Variants in FLT1 observed in about 807,000 individuals in gnomAD.
FLT1 encodes the protein fms related receptor tyrosine kinase 1.
A neutral mutation model predicts 156.3 loss-of-function variants in FLT1; 49 were observed. The observed-to-expected ratio is 0.31, with a 90% CI of 0.25 to 0.40. The LOEUF (loss-of-function observed/expected upper bound fraction) is 0.40. FLT1 is among the 10% of genes least tolerant of loss of function. The pLI, the probability that FLT1 is intolerant of heterozygous loss-of-function variation, is 1.00. For synonymous variants in FLT1, 594 were observed against 583.8 expected, an observed-to-expected ratio of 1.02 and a Z score of -0.25; for missense variants, 1,322 against 1,637.2, an observed-to-expected ratio of 0.81 and a Z score of 3.32.
intron 3 of FLT1, among the ~76,000 whole-genome samples, chr13:28,448,518 C>T (rs1475057130): frequency 6.6e-6 from 1 of 152,080 alleles, no homozygotes; most frequent in Non-Finnish European, 1.5e-5. Context: ...CAAAAGACTA[C>T]AAATTATGTA....
At chr13:28,304,003 G>C (rs374471281) in intron 29 of FLT1, among the ~76,000 whole-genome samples, 1 of 152,156 alleles carries the variant, frequency 6.6e-6, no homozygotes, top group African/African-American at 2.4e-5. Context: ...TCCAGACTAG[G>C]ACAGACACCT....
intron 8 of FLT1, among the ~76,000 whole-genome samples, chr13:28,429,620 C>CT (rs1877554325): frequency 6.6e-6 from 1 of 152,128 alleles, no homozygotes. Context: ...TAAAACAGGA[C>CT]TGGAACTTTC....
At chr13:28,362,822 G>C (rs1245645498) in intron 14 of FLT1, among the ~76,000 whole-genome samples, 1 of 152,118 alleles carries the variant, frequency 6.6e-6, no homozygotes, top group African/African-American at 2.4e-5. Context: ...CCTCTTTCTA[G>C]CCCAAGGAGG....
chr13:28,454,789 G>C (rs992714162), intron 3 of FLT1, among the ~76,000 whole-genome samples: 30 of 152,104 alleles, frequency 2.0e-4, no homozygotes, highest in Admixed American at 1.5e-3. Flanking sequence ...ACTAGTAAAA[G>C]ATTATAGCAA....
intron 1 of FLT1, among the ~76,000 whole-genome samples, chr13:28,481,761 C>A (rs1593844501): frequency 6.6e-6 from 1 of 152,178 alleles, no homozygotes; most frequent in South Asian, 2.1e-4. Flanking sequence ...TCTAAGTCAA[C>A]AAATAGAGAT....
chr13:28,466,481 TATTA>T (rs1204880206), intron 3 of FLT1, among the ~76,000 whole-genome samples: 1 of 152,236 alleles, frequency 6.6e-6, no homozygotes, highest in Non-Finnish European at 1.5e-5. Context: ...ACATTGCGTT[TATTA>T]ATTTAGTAGA....
chr13:28,312,214 C>G, intron 25 of FLT1, 116 bp from the exon 26 acceptor site: 3 of 733,632 alleles, frequency 4.1e-6, no homozygotes, highest in Non-Finnish European at 7.4e-6. Flanking sequence ...GCTTTCTGTA[C>G]TATGTGACCC....
At chr13:28,387,738 C>A (rs1485488349) in intron 13 of FLT1, 1 of 1,050,156 alleles carries the variant, frequency 9.5e-7, no homozygotes, top group African/African-American at 1.7e-5. Context: ...ATCTTCACCT[C>A]CCTTCATACC....
At chr13:28,357,410 C>G in intron 15 of FLT1, 144 bp downstream of exon 15, 1 of 850,512 alleles carries the variant, frequency 1.2e-6, no homozygotes, top group East Asian at 2.5e-5. Context: ...AGTCCCTTCC[C>G]GGAGTGGCAG....
rs1870555116 is a variant in FLT1 at position 28,302,506 on chromosome 13, T to A, written c.*661A>T. The A allele has an allele frequency of 4.3e-6, 1 of 233,292 alleles. No individual in the cohort carries two copies. Among genetic ancestry groups the A allele is most frequent in the Non-Finnish European group, 8.5e-6 (1 of 118,070 alleles). 14.5% of individuals were successfully genotyped at this position (233,292 alleles called of 1,614,324 possible). On this transcript the variant is annotated 3_prime_UTR_variant, in exon 30 of 30. Transcript: ENST00000282397. Reference sequence around the variant, plus strand: ...TTCTTGCCTCCCAGAATCCAGAAAATGTCCCCTCATCGCTGTCCATCTGCT... The same window carrying A: ...TTCTTGCCTCCCAGAATCCAGAAAAAGTCCCCTCATCGCTGTCCATCTGCT...
chr13:28,434,421 T>A (rs895522736), intron 4 of FLT1, among the ~76,000 whole-genome samples: 1 of 152,236 alleles, frequency 6.6e-6, no homozygotes, highest in East Asian at 1.9e-4. Flanking sequence ...CAAAAGATAT[T>A]TGCATTATGA....
chr13:28,406,594 C>G (rs1369343041), intron 10 of FLT1, among the ~76,000 whole-genome samples: 2 of 150,992 alleles, frequency 1.3e-5, no homozygotes, highest in Non-Finnish European at 2.9e-5. Flanking sequence ...ATGTCTTGGG[C>G]AGATTCTACA....
chr13:28,483,821 A>G (rs1453794191), intron 1 of FLT1, among the ~76,000 whole-genome samples: 1 of 152,194 alleles, frequency 6.6e-6, no homozygotes, highest in Admixed American at 6.5e-5. Context: ...CATAAATATG[A>G]CAGTTTTTTT....
intron 3 of FLT1, among the ~76,000 whole-genome samples, chr13:28,464,088 C>A (rs535381094): frequency 3.9e-4 from 59 of 152,130 alleles, no homozygotes; most frequent in Non-Finnish European, 6.8e-4. Context: ...CTTTTAGTAT[C>A]AGTGCTATTT....
At chr13:28,459,586 T>C (rs1388808594) in intron 3 of FLT1, among the ~76,000 whole-genome samples, 1 of 152,112 alleles carries the variant, frequency 6.6e-6, no homozygotes, top group Non-Finnish European at 1.5e-5. Flanking sequence ...CCAAGCAATA[T>C]TAGATAACGT....
intron 20 of FLT1, among the ~76,000 whole-genome samples, chr13:28,323,327 G>C (rs1871548398): frequency 6.6e-6 from 1 of 152,192 alleles, no homozygotes; most frequent in Non-Finnish European, 1.5e-5. Context: ...GTTCAGAGAA[G>C]TAAAGTAATC....
At chr13:28,483,434 T>C (rs1043116469) in intron 1 of FLT1, among the ~76,000 whole-genome samples, 1 of 152,202 alleles carries the variant, frequency 6.6e-6, no homozygotes, top group African/African-American at 2.4e-5. Context: ...CCGTATAATT[T>C]CCATCTAAAG....
In FLT1 at chr13:28,412,361, T is replaced by TTTC. The variant is rs1700793750; in HGVS notation, c.1437-6470_1437-6468dup. ...TTCTTTCTTTCTTTCTCTTTCTTTC[T>TTTC]TTCTTTCTTTCTTTCTTTCTTTCTT... On this transcript the variant is annotated intron_variant, in intron 10 of 29. Transcript: ENST00000282397. Among the ~76,000 whole-genome samples, 7 of 106,448 alleles carry TTTC rather than the reference T, an allele frequency of 6.6e-5. 1 individual carries two copies. The highest frequency in any genetic ancestry group is 1.3e-4 in the African/African-American group (4 of 30,656). 69.8% of individuals were successfully genotyped at this position (106,448 alleles called of 152,430 possible).
chr13:28,419,593 C>A (rs571110948), intron 10 of FLT1, among the ~76,000 whole-genome samples: 1 of 152,254 alleles, frequency 6.6e-6, no homozygotes, highest in East Asian at 1.9e-4. Flanking sequence ...TAAAAACCAT[C>A]CAGCGGCCGG....
Sources: allele counts gnomAD v4.1 joint callset (sites outside exome capture counted in the v4.1 genomes callset), GRCh38; gene constraint gnomAD v4.1.1; transcripts MANE v1.5; gene names NCBI Gene and HGNC (gene_info 2026-07-23, HGNC 2026-07-21).